FBXO33: variants seen among roughly 807,000 people sequenced by gnomAD.
FBXO33 encodes the protein F-box protein 33.
In FBXO33, 22 loss-of-function variants were observed where a neutral mutation model predicts 46.3. The observed-to-expected ratio is 0.48, with a 90% CI of 0.34 to 0.68. The LOEUF is 0.68. Among genes scored for constraint, FBXO33 ranks in the 30% least tolerant of loss-of-function variants. FBXO33 has a pLI of 0.01. For missense variants in FBXO33, 692 were observed against 708.8 expected, an observed-to-expected ratio of 0.98 and a Z score of 0.27; for synonymous variants, 337 against 291.3, an observed-to-expected ratio of 1.16 and a Z score of -1.60.
At chr14:39,418,644 G>A (rs1486901793) in intron 1 of FBXO33, among the ~76,000 whole-genome samples, 6 of 150,794 alleles carry the variant, frequency 4.0e-5, no homozygotes, top group Non-Finnish European at 8.9e-5. Context: ...GCGTGGTGGC[G>A]GGTCCCTGTA....
At chr14:39,423,687 A>G (rs2085750139) in intron 1 of FBXO33, among the ~76,000 whole-genome samples, 1 of 152,212 alleles carries the variant, frequency 6.6e-6, no homozygotes. Context: ...TGAAGTCCAA[A>G]AAGAGGTAAA....
chr14:39,429,819 G>C (rs2075534218), intron 1 of FBXO33, among the ~76,000 whole-genome samples: 2 of 152,182 alleles, frequency 1.3e-5, no homozygotes, highest in African/African-American at 2.4e-5. Flanking sequence ...AGCAGATTGG[G>C]ATGCTAATAA....
At chr14:39,431,120 A>G (rs1485653693) in intron 1 of FBXO33, among the ~76,000 whole-genome samples, 1 of 152,196 alleles carries the variant, frequency 6.6e-6, no homozygotes, top group Non-Finnish European at 1.5e-5. Context: ...GCAGCGTCCT[A>G]TGAGTACCTA....
At position 39,425,962 on chromosome 14, in the gene FBXO33, C is replaced by T. The variant is rs570546286; in HGVS notation, c.599+5602G>A. Among the ~76,000 whole-genome samples the T allele has an allele frequency of 6.6e-5, 10 of 152,122 alleles. No individual in the cohort carries two copies. The South Asian group carries it at 2.1e-3, about 32-fold the overall frequency. On this transcript the variant is annotated intron_variant, in intron 1 of 3. Transcript: ENST00000298097. ...CAGTACTCCGTATTAGCTTTGGGAC[C>T]CATTAACCAGAAGTTATTTCCCAGA...
intron 1 of FBXO33, among the ~76,000 whole-genome samples, chr14:39,405,480 A>T (rs1341464617): frequency 7.2e-6 from 1 of 139,166 alleles, no homozygotes; most frequent in Non-Finnish European, 1.7e-5. Flanking sequence ...TAGAAATGAA[A>T]ATCAGGGAAT....
chr14:39,430,582 G>A (rs988944153), intron 1 of FBXO33, among the ~76,000 whole-genome samples: 3 of 152,078 alleles, frequency 2.0e-5, no homozygotes, highest in African/African-American at 7.2e-5. Context: ...TCATTACCCT[G>A]CCTCATAGTG....
At chr14:39,429,200 G>C (rs964452691) in intron 1 of FBXO33, among the ~76,000 whole-genome samples, 9 of 152,058 alleles carry the variant, frequency 5.9e-5, no homozygotes, top group African/African-American at 1.9e-4. Flanking sequence ...AAAATAACTG[G>C]AACAAAACAA....
intron 1 of FBXO33, among the ~76,000 whole-genome samples, chr14:39,420,346 T>C (rs2075475247): frequency 6.6e-6 from 1 of 152,166 alleles, no homozygotes; most frequent in Admixed American, 6.5e-5. Context: ...CATACTTTAG[T>C]AAAGGTAAAA....
intron 1 of FBXO33, among the ~76,000 whole-genome samples, chr14:39,418,732 G>A (rs1203602712): frequency 7.0e-5 from 10 of 142,894 alleles, no homozygotes; most frequent in Non-Finnish European, 1.2e-4. Context: ...CCGAGATCGC[G>A]CCACTGCACT....
At chr14:39,399,866 C>CA in intron 3 of FBXO33, 79 bp from the exon 4 acceptor site, 1 of 1,406,858 alleles carries the variant, frequency 7.1e-7, no homozygotes, top group Non-Finnish European at 9.4e-7. Flanking sequence ...TTTCCTCATT[C>CA]AAAGCTTCTA....
Position 39,399,524 on chromosome 14 carries a change from C to A in FBXO33, c.1660G>T (p.Asp554Tyr). 1 of 1,608,062 alleles carries A rather than the reference C, an allele frequency of 6.2e-7. No individual in the cohort carries two copies. Among genetic ancestry groups the A allele is most frequent in the East Asian group, 2.2e-5 (1 of 44,786 alleles). The change falls in exon 4 of 4, where the codon GAC (aspartate) becomes TAC (tyrosine). Residue 554 changes from aspartate to tyrosine, a missense_variant. Around this residue, in one of 3 missense-constraint regions of FBXO33, gnomAD observed 94 missense variants for 91.9 expected, o/e 1.02. Coordinates refer to ENST00000298097, the MANE Select transcript of FBXO33 (RefSeq NM_203301.4). ...FYREMQSFSE[D>Y]I ...TCTACATTAAAAAAAAGCTAAATGT[C>A]TTCACTGAAGCTTTGCATCTCTCTG...
chr14:39,419,705 G>A (rs2075471026), intron 1 of FBXO33, among the ~76,000 whole-genome samples: 1 of 152,030 alleles, frequency 6.6e-6, no homozygotes, highest in African/African-American at 2.4e-5. Context: ...AAATCAATAG[G>A]GTTATTTCCC....
intron 1 of FBXO33, among the ~76,000 whole-genome samples, chr14:39,413,987 C>T (rs2075435827): frequency 1.3e-5 from 2 of 152,204 alleles, no homozygotes; most frequent in South Asian, 4.1e-4. Context: ...TGACCAGATG[C>T]ATTAACCTCT....
intron 1 of FBXO33, among the ~76,000 whole-genome samples, chr14:39,404,779 C>A (rs1258106197): frequency 1.3e-5 from 2 of 152,094 alleles, no homozygotes; most frequent in Non-Finnish European, 1.5e-5. Flanking sequence ...AGTAAGTGAA[C>A]ATGAAATGAT....
intron 1 of FBXO33, among the ~76,000 whole-genome samples, chr14:39,431,071 T>C (rs554450027): frequency 2.6e-5 from 4 of 152,342 alleles, no homozygotes; most frequent in African/African-American, 7.2e-5. Context: ...GCCGAAACTA[T>C]TTCTGGTAAG....
At chr14:39,425,235 C>T (rs899922853) in intron 1 of FBXO33, among the ~76,000 whole-genome samples, 4 of 152,152 alleles carry the variant, frequency 2.6e-5, no homozygotes, top group Admixed American at 6.5e-5. Flanking sequence ...GCCTGATGAC[C>T]TTGTTCTCTC....
chr14:39,401,138 A>G (rs749275766), intron 3 of FBXO33, 38 bp downstream of exon 3: 25 of 1,524,586 alleles, frequency 1.6e-5, no homozygotes, highest in Admixed American at 2.2e-5. Context: ...TTTTCGGTCT[A>G]ATTCCAGTAT....
At chr14:39,408,272 C>A (rs1308268234) in intron 1 of FBXO33, among the ~76,000 whole-genome samples, 1 of 152,052 alleles carries the variant, frequency 6.6e-6, no homozygotes, top group Non-Finnish European at 1.5e-5. Flanking sequence ...AATAGACATG[C>A]TAAGATGTGA....
At chr14:39,415,714 T>G (rs2075444994) in intron 1 of FBXO33, among the ~76,000 whole-genome samples, 1 of 152,240 alleles carries the variant, frequency 6.6e-6, no homozygotes, top group Admixed American at 6.5e-5. Flanking sequence ...TTGCCCAGGC[T>G]GGAGTGCAGT....
Sources: allele counts gnomAD v4.1 joint callset (sites outside exome capture counted in the v4.1 genomes callset), GRCh38; gene constraint gnomAD v4.1.1; regional missense constraint gnomAD v4.1.1; transcripts MANE v1.5; gene names NCBI Gene and HGNC (gene_info 2026-07-23, HGNC 2026-07-21).